Variants in SATB2 observed in about 807,000 individuals in gnomAD.
SATB2 encodes the protein SATB homeobox 2.
In SATB2, 1 loss-of-function variant was observed where a neutral mutation model predicts 73.4. That is an observed-to-expected ratio of 0.01 (90% CI 0.00 to 0.06). SATB2 has a LOEUF of 0.06. Ranked by LOEUF, SATB2 falls within the 10% of genes least tolerant of loss-of-function variation. SATB2 has a pLI of 1.00. For synonymous variants in SATB2, 397 were observed against 367.0 expected (o/e 1.08, Z -0.93); for missense variants, 459 against 945.8 (o/e 0.49, Z 6.75).
intron 10 of SATB2, among the ~76,000 whole-genome samples, chr2:199,283,305 C>T (rs552921482): frequency 1.1e-4 from 16 of 147,434 alleles, no homozygotes; most frequent in Admixed American, 3.4e-4. Context: ...TTAGCCAGGA[C>T]GGTCTCTATC....
In SATB2 at chr2:199,281,499, T is replaced by C. The variant is rs962907947; in HGVS notation, c.1741-8827A>G. Among the ~76,000 whole-genome samples, 9 of 70,520 alleles carry C rather than the reference T, an allele frequency of 1.3e-4. No homozygotes were observed. The East Asian group carries it at 2.7e-3, about 21-fold the overall frequency. 46.3% of individuals were successfully genotyped at this position (70,520 alleles called of 152,430 possible). ...GAGATATATACACACACACACAATT[T>C]TTTTTTACTTAAAAGTAACAACAAT... On this transcript the variant is annotated intron_variant, in intron 10 of 10. Coordinates refer to ENST00000417098, the MANE Select transcript of SATB2 (RefSeq NM_001172509.2).
chr2:199,323,999 C>T (rs765169795), intron 8 of SATB2, 41 bp from the exon 9 acceptor site: 100 of 1,609,344 alleles, frequency 6.2e-5, no homozygotes, highest in Middle Eastern at 1.7e-4. Context: ...AAAAGTGCTG[C>T]ATTCAGCCCA....
chr2:199,278,728 G>A (rs776196474), intron 10 of SATB2, among the ~76,000 whole-genome samples: 12 of 152,224 alleles, frequency 7.9e-5, no homozygotes, highest in African/African-American at 1.4e-4. Context: ...GATTTTTATC[G>A]GAGTATTACA....
intron 9 of SATB2, among the ~76,000 whole-genome samples, chr2:199,320,650 A>G (rs1255573907): frequency 6.6e-6 from 1 of 152,132 alleles, no homozygotes; most frequent in Admixed American, 6.5e-5. Flanking sequence ...GATTTTCACA[A>G]TGAACCAGTT....
rs1688179256 is a variant in SATB2 at position 199,331,200 on chromosome 2, T to C, written c.1174-2290A>G. ...AAAAAAAATTTTAAAACACAGAGTG[T>C]TTTAATTTGTTTCTTGTTTTTTTTT... is the stretch of plus-strand genomic sequence containing the variant. On this transcript the variant is annotated intron_variant, in intron 7 of 10. Transcript: ENST00000417098. Among the ~76,000 whole-genome samples, 4 of 119,842 alleles carry C rather than the reference T, an allele frequency of 3.3e-5. No homozygotes were observed. The South Asian group carries it at 1.1e-3, about 33-fold the overall frequency. 78.6% of individuals were successfully genotyped at this position (119,842 alleles called of 152,430 possible). A position where few individuals can be genotyped will look rare whatever the true frequency, so the allele number is the denominator to read the frequency against.
At chr2:199,429,714 A>C (rs892738590) in intron 3 of SATB2, among the ~76,000 whole-genome samples, 4 of 152,198 alleles carry the variant, frequency 2.6e-5, no homozygotes, top group African/African-American at 9.6e-5. Flanking sequence ...GTTCAAGACC[A>C]GCCTGGCCAA....
Position 199,280,408 on chromosome 2 carries a change from C to A in SATB2, c.1741-7736G>T, listed in dbSNP as rs1330737100. Among the ~76,000 whole-genome samples the A allele has an allele frequency of 2.0e-5, 3 of 152,240 alleles. No individual in the cohort carries two copies. The East Asian group carries it at 5.8e-4, about 29-fold the overall frequency. ...AAATTTGGGCACCTTAAAAAAAGAA[C>A]AGGATAACAGCAATGTTCAGGGAAC... is the stretch of plus-strand genomic sequence containing the variant. On this transcript the variant is annotated intron_variant, in intron 10 of 10. Coordinates refer to ENST00000417098, the MANE Select transcript of SATB2 (RefSeq NM_001172509.2).
At chr2:199,389,587 C>G (rs1690063446) in intron 3 of SATB2, among the ~76,000 whole-genome samples, 1 of 152,080 alleles carries the variant, frequency 6.6e-6, no homozygotes, top group African/African-American at 2.4e-5. Flanking sequence ...ATCTAAAAAT[C>G]AAGAGATGCA....
At chr2:199,292,537 G>C (rs1191745230) in intron 10 of SATB2, among the ~76,000 whole-genome samples, 1 of 152,154 alleles carries the variant, frequency 6.6e-6, no homozygotes, top group African/African-American at 2.4e-5. Flanking sequence ...AAAATATGCA[G>C]ATAATAAATG....
intron 3 of SATB2, among the ~76,000 whole-genome samples, chr2:199,428,088 T>C (rs559922500): frequency 6.6e-6 from 1 of 152,184 alleles, no homozygotes; most frequent in Non-Finnish European, 1.5e-5. Context: ...GACAAAACAT[T>C]TGTAAGTTTG....
chr2:199,451,091 A>AACAC (rs56071011), intron 2 of SATB2, among the ~76,000 whole-genome samples: 3,672 of 139,250 alleles, frequency 0.026, 73 homozygotes, highest in East Asian at 0.098. Context: ...ATGTAGTTCC[A>AACAC]ACACACACAC....
intron 3 of SATB2, among the ~76,000 whole-genome samples, chr2:199,416,993 G>A (rs556522767): frequency 8.4e-4 from 127 of 151,320 alleles, no homozygotes; most frequent in African/African-American, 2.8e-3. Flanking sequence ...CGGAGATCAC[G>A]CCACTGCACT....
rs753421853 is a variant in SATB2, at chr2:199,348,844, G to A, written c.1030C>T (p.Pro344Ser). The change falls in exon 7 of 11, where the codon CCC becomes TCC. Residue 344 changes from proline to serine, a missense_variant. This residue lies in a region of SATB2 where 35 missense variants were observed against 55.3 expected (regional missense o/e 0.63). Transcript: ENST00000417098. ...TCTGGCTTAACTGCTCTGGGGATGGGTGGATGGTTCAGGAACTGCTGGTTG... is the reference window on the plus strand; with the variant it reads ...TCTGGCTTAACTGCTCTGGGGATGGATGGATGGTTCAGGAACTGCTGGTTG... ...AINQQFLNHPPIPRAVKPEPT... is the reference protein window; with the variant it reads ...AINQQFLNHPSIPRAVKPEPT... 6.2e-7 allele frequency: 1 copy of A among 1,614,136 alleles called. No homozygotes were observed. Among genetic ancestry groups the A allele is most frequent in the Non-Finnish European group, 8.5e-7 (1 of 1,179,980 alleles).
chr2:199,361,614 ACT>A (rs1315060365), intron 6 of SATB2, among the ~76,000 whole-genome samples: 1 of 151,368 alleles, frequency 6.6e-6, no homozygotes, highest in Non-Finnish European at 1.5e-5. Flanking sequence ...TCAATATGTC[ACT>A]CTCTTGCTGA....
intron 10 of SATB2, among the ~76,000 whole-genome samples, chr2:199,284,149 C>G (rs942618344): frequency 2.0e-5 from 3 of 152,186 alleles, no homozygotes; most frequent in Non-Finnish European, 4.4e-5. Flanking sequence ...CCACCATATG[C>G]TTAATAGTTT....
intron 3 of SATB2, among the ~76,000 whole-genome samples, chr2:199,409,424 CCT>C (rs1469866246): frequency 1.3e-5 from 2 of 152,124 alleles, no homozygotes; most frequent in African/African-American, 4.8e-5. Flanking sequence ...CCCGCCTTGG[CCT>C]CCCAAAGTGC....
upstream of SATB2, among the ~76,000 whole-genome samples, chr2:199,462,598 A>G (rs1359559498): frequency 6.6e-6 from 1 of 152,138 alleles, no homozygotes; most frequent in Non-Finnish European, 1.5e-5. This position sits in a 1 kb window ranked among gnomAD's most constrained non-coding sequence, Gnocchi z 5.9. Flanking sequence ...TCAGAGCCGG[A>G]CAAATCCCAA....
chr2:199,370,129 C>T (rs1228363182), intron 5 of SATB2, among the ~76,000 whole-genome samples: 1 of 152,150 alleles, frequency 6.6e-6, no homozygotes, highest in Non-Finnish European at 1.5e-5. Flanking sequence ...TTCTGCTTTG[C>T]GCTATTAACG....
chr2:199,433,260 A>G, intron 3 of SATB2, 78 bp downstream of exon 3: 1 of 1,409,490 alleles, frequency 7.1e-7, no homozygotes, highest in Non-Finnish European at 9.7e-7. Flanking sequence ...TTGTTTGGAG[A>G]ACTATTTCAG....
Sources: allele counts gnomAD v4.1 joint callset (sites outside exome capture counted in the v4.1 genomes callset), GRCh38; gene constraint gnomAD v4.1.1; regional missense constraint gnomAD v4.1.1; non-coding constraint Gnocchi (gnomAD v3.1); transcripts MANE v1.5; gene names NCBI Gene and HGNC (gene_info 2026-07-23, HGNC 2026-07-21).